Variants in TNRC18 observed in about 807,000 individuals in gnomAD.
TNRC18 encodes the protein trinucleotide repeat containing 18, also known as trinucleotide repeat-containing gene 18 protein.
A neutral mutation model predicts 226.7 loss-of-function variants in TNRC18; 69 were observed. The observed-to-expected ratio is 0.30, with a 90% confidence interval of 0.25 to 0.37. The LOEUF (loss-of-function observed/expected upper bound fraction) is 0.37. TNRC18 is among the 10% of genes least tolerant of loss of function. The pLI, the probability that TNRC18 is intolerant of heterozygous loss-of-function variation, is 1.00. For synonymous variants in TNRC18, 2,449 were observed against 1,927.6 expected (o/e 1.27, Z -7.09); for missense variants, 4,754 against 4,256.6 (o/e 1.12, Z -3.25).
intron 10 of TNRC18, 32 bp downstream of exon 10, chr7:5,374,023 G>C: frequency 2.0e-6 from 3 of 1,472,126 alleles, no homozygotes; most frequent in Non-Finnish European, 2.7e-6. Flanking sequence ...CAGGGGCAGA[G>C]TGAGACCCTG....
chr7:5,383,951 C>T (rs1278311689), intron 5 of TNRC18, among the ~76,000 whole-genome samples: 4 of 122,850 alleles, frequency 3.3e-5, no homozygotes, highest in Non-Finnish European at 6.6e-5. Flanking sequence ...CCAGCATACC[C>T]GGGTGATTTT....
At chr7:5,408,473 C>T (rs1314795807) in intron 2 of TNRC18, among the ~76,000 whole-genome samples, 2 of 151,862 alleles carry the variant, frequency 1.3e-5, no homozygotes, top group Non-Finnish European at 2.9e-5. Context: ...CATGATGAAA[C>T]CCTGTCTCTA....
intron 11 of TNRC18, among the ~76,000 whole-genome samples, chr7:5,369,181 C>G (rs1413482903): frequency 6.6e-6 from 1 of 152,128 alleles, no homozygotes; most frequent in Admixed American, 6.5e-5. Flanking sequence ...AACCCCATCT[C>G]TACTAAAAAT....
chr7:5,334,461 ATTT>A (rs10706914), intron 18 of TNRC18, among the ~76,000 whole-genome samples: 2 of 140,226 alleles, frequency 1.4e-5, no homozygotes, highest in Non-Finnish European at 3.1e-5. Flanking sequence ...CACGCCTGGC[ATTT>A]TTTTTTTTTT....
In TNRC18 at chr7:5,394,193, G is replaced by C. The variant is rs772159362; in HGVS notation, c.343+247C>G. ...AAGAGGGGGTCTCTGAGCTGAGCCG[G>C]AGGAGGACTGGAAGGTGGTCTGTGG... is the stretch of plus-strand genomic sequence containing the variant. On this transcript the variant is annotated intron_variant, in intron 3 of 29. Coordinates refer to ENST00000430969, the MANE Select transcript of TNRC18 (RefSeq NM_001080495.3). This position sits in a 1 kb window ranked among gnomAD's most constrained non-coding sequence, Gnocchi z 4.5. Among the ~76,000 whole-genome samples, 1 of 152,196 alleles carries C rather than the reference G, an allele frequency of 6.6e-6. No homozygotes were observed. Among genetic ancestry groups the C allele is most frequent in the Non-Finnish European group, 1.5e-5 (1 of 68,034 alleles).
In TNRC18 at chr7:5,356,988, C is replaced by T; in HGVS notation, c.5122G>A (p.Gly1708Arg). ...TTGGGCTGGCCTCTGGCCTTGAACC[C>T]CACCTCCATCTTCCTGGTTTTGGCT... Reference protein sequence around the residue: ...RAAKTRKMEVGFKARGQPKSA... With the variant: ...RAAKTRKMEVRFKARGQPKSA... Residue 1708 changes from glycine to arginine, a missense_variant, in exon 16 of 30, where the codon GGG (glycine) becomes AGG (arginine). By Grantham distance (125) the Gly-to-Arg change is moderately radical. Coordinates refer to ENST00000430969, the MANE Select transcript of TNRC18 (RefSeq NM_001080495.3). 1 of 1,552,240 alleles carries T rather than the reference C, an allele frequency of 6.4e-7. No homozygotes were observed. The highest frequency in any genetic ancestry group is 8.7e-7 in the Non-Finnish European group (1 of 1,147,106).
chr7:5,338,703 G>A (rs1790363624), intron 18 of TNRC18, among the ~76,000 whole-genome samples: 1 of 149,214 alleles, frequency 6.7e-6, no homozygotes, highest in South Asian at 2.1e-4. Flanking sequence ...GGCAGATCAC[G>A]TGAGGTCGGG....
intron 14 of TNRC18, among the ~76,000 whole-genome samples, chr7:5,359,783 A>G (rs1408169873): frequency 1.3e-5 from 2 of 152,294 alleles, no homozygotes; most frequent in East Asian, 3.9e-4. Context: ...AAGGTGAAAG[A>G]AGGAAGAAAG....
intron 8 of TNRC18, among the ~76,000 whole-genome samples, chr7:5,376,472 A>G (rs1439154560): frequency 6.6e-6 from 1 of 152,132 alleles, no homozygotes; most frequent in Non-Finnish European, 1.5e-5. Flanking sequence ...CAGCCTCGCA[A>G]CCAGAGCAGG....
In TNRC18 at chr7:5,376,224, G is replaced by A. The variant is rs557251633; in HGVS notation, c.2609C>T (p.Ala870Val). Residue 870 changes from alanine to valine, a missense_variant and splice_region_variant, in exon 9 of 30, where the codon GCG (alanine) becomes GTG (valine). Ala to Val is a moderately conservative substitution (Grantham distance 64, BLOSUM62 0). Coordinates refer to ENST00000430969, the MANE Select transcript of TNRC18 (RefSeq NM_001080495.3). ...VIPSDHLPHFAELMERATVPP... is the reference protein window; with the variant it reads ...VIPSDHLPHFVELMERATVPP... ...TACGGTGGCCCGCTCCATCAGCTCC[G>A]CTGCAGGGACAGAGACAGTGCGCTG... is the stretch of plus-strand genomic sequence containing the variant. 7.6e-5 allele frequency: 114 copies of A among 1,495,706 alleles called. No homozygotes were observed. In the South Asian group the frequency reaches 7.6e-4, roughly 10 times the overall value. The allele number at this position is 1,495,706 out of a possible 1,614,324, so 92.7% of individuals were successfully genotyped here.
intron 2 of TNRC18, among the ~76,000 whole-genome samples, chr7:5,400,030 C>T (rs1376330193): frequency 1.3e-5 from 2 of 152,014 alleles, no homozygotes; most frequent in Non-Finnish European, 2.9e-5. Context: ...GCTGGGACTG[C>T]AGGTGTGCAC....
At chr7:5,409,472 C>A (rs1781697899) in intron 2 of TNRC18, among the ~76,000 whole-genome samples, 1 of 151,852 alleles carries the variant, frequency 6.6e-6, no homozygotes, top group South Asian at 2.1e-4. Flanking sequence ...CCCCTGTAGT[C>A]CGAGAAGGCT....
chr7:5,313,459 T>C lies in TNRC18; in HGVS notation c.7432A>G (p.Lys2478Glu), dbSNP rs760585526. ...GVTSPKSKKA[K>E]EALLLREDPG... is the part of the protein sequence containing the mutation. ...TCCTCCCGGAGCAGCAGGGCCTCTT[T>C]AGCCTTCTTGCTTTTGGGTGACGTG... The change falls in exon 27 of 30, where the codon AAA (lysine) becomes GAA (glutamate). Residue 2478 changes from lysine (K) to glutamate (E), a missense_variant. Lys to Glu is a moderately conservative substitution (Grantham distance 56). Transcript: ENST00000430969. The C allele has an allele frequency of 6.2e-7, 1 of 1,612,754 alleles. No homozygotes were observed. The highest frequency in any genetic ancestry group is 1.3e-5 in the African/African-American group (1 of 74,918).
chr7:5,376,127 G>A lies in TNRC18; in HGVS notation c.2706C>T (p.Phe902=). The change falls in exon 9 of 30, where the codon TTC becomes TTT. Residue 902 remains phenylalanine, a synonymous_variant. Coordinates refer to ENST00000430969, the MANE Select transcript of TNRC18 (RefSeq NM_001080495.3). ...GCTGCCGCAGGAAGTGCTGCTGTGAGAAGAGCTGCAGCTGCTGGGCGTGGT... is the reference window on the plus strand; with the variant it reads ...GCTGCCGCAGGAAGTGCTGCTGTGAAAAGAGCTGCAGCTGCTGGGCGTGGT... ...PLHHAQQLQL[F]SQQHFLRQQE... The A allele has an allele frequency of 1.3e-6, 2 of 1,590,338 alleles. No homozygotes were observed. Among genetic ancestry groups the A allele is most frequent in the Non-Finnish European group, 8.6e-7 (1 of 1,169,342 alleles).
Position 5,361,644 on chromosome 7 carries a change from G to A in TNRC18, c.4611C>T (p.Ser1537=), listed in dbSNP as rs768920658. ...CTCTCTTGCGGGGGGGCGACAGGGC[G>A]CTCGGGGCGTGGGTCCGTTTCCGCG... The part of the protein sequence containing the change: ...GRPRKRTHAP[S]ALSPPRKRGK... The change falls in exon 14 of 30, where the codon AGC becomes AGT. Residue 1537 remains serine (S), a synonymous_variant. Coordinates refer to ENST00000430969, the MANE Select transcript of TNRC18 (RefSeq NM_001080495.3). 2.3e-5 allele frequency: 36 copies of A among 1,553,120 alleles called. No homozygotes were observed. In the South Asian group the frequency reaches 3.1e-4, roughly 13 times the overall value.
Position 5,351,938 on chromosome 7 carries a change from G to T in TNRC18, c.5351C>A (p.Ala1784Asp). ...GPKLTKRGLA[A>D]PRTLKPKPAT... ...CGGCTTGGGTTTCAGAGTCCGGGGG[G>T]CCGCCAGGCCCCTCTTGGTCAGCTT... Residue 1784 changes from alanine (A) to aspartate (D), a missense_variant, in exon 17 of 30, where the codon GCC (alanine) becomes GAC (aspartate). Coordinates refer to ENST00000430969, the MANE Select transcript of TNRC18 (RefSeq NM_001080495.3). 6.2e-7 allele frequency: 1 copy of T among 1,613,706 alleles called. No individual in the cohort carries two copies. Among genetic ancestry groups the T allele is most frequent in the Non-Finnish European group, 8.5e-7 (1 of 1,179,800 alleles).
rs1786737760 is a variant in TNRC18 at position 5,308,051 on chromosome 7, G to T, written c.*55C>A. On this transcript the variant is annotated 3_prime_UTR_variant, in exon 30 of 30. Transcript: ENST00000430969. Reference sequence around the variant, plus strand: ...TGGTCTCCGCGCCATGGCAGTGATGGAGATGGGTCCCTGGCCGCCCTCGGG... The same window carrying T: ...TGGTCTCCGCGCCATGGCAGTGATGTAGATGGGTCCCTGGCCGCCCTCGGG... The T allele has an allele frequency of 2.0e-6, 3 of 1,488,172 alleles. No homozygotes were observed. The highest frequency in any genetic ancestry group is 2.7e-6 in the Non-Finnish European group (3 of 1,098,300). 92.2% of individuals were successfully genotyped at this position (1,488,172 alleles called of 1,614,324 possible).
intron 14 of TNRC18, 127 bp downstream of exon 14, chr7:5,361,467 C>G: frequency 8.3e-7 from 1 of 1,200,288 alleles, no homozygotes; most frequent in Non-Finnish European, 1.1e-6. Flanking sequence ...AGGGCCACTG[C>G]TGCGGGTAGG....
intron 19 of TNRC18, among the ~76,000 whole-genome samples, chr7:5,326,961 A>G (rs1490145116): frequency 6.6e-6 from 1 of 151,944 alleles, no homozygotes; most frequent in African/African-American, 2.4e-5. Context: ...CATCTCTACT[A>G]AAAATATAAA....
Sources: gnomAD v4.1 joint callset for allele counts (sites outside exome capture counted in the v4.1 genomes callset) on GRCh38, gnomAD v4.1.1 for gene constraint, Gnocchi (gnomAD v3.1) non-coding constraint, MANE v1.5 for transcripts, NCBI Gene and HGNC (gene_info 2026-07-23, HGNC 2026-07-21) for gene names.